Variants in NALF1 observed in about 807,000 individuals in gnomAD.
The protein encoded by NALF1 is NALCN channel auxiliary factor 1, also known as family with sequence similarity 155 member A.
NALF1 carries 3 observed loss-of-function variants against 48.4 expected under a neutral mutation model. The observed-to-expected ratio is 0.06, with a 90% CI of 0.03 to 0.16. The LOEUF (loss-of-function observed/expected upper bound fraction) is 0.16, where lower values mean the gene tolerates loss of function less well. Among genes scored for constraint, NALF1 ranks in the 10% least tolerant of loss-of-function variants. The pLI, the probability that NALF1 is intolerant of heterozygous loss-of-function variation, is 1.00. For missense variants in NALF1, 526 were observed against 571.5 expected (o/e 0.92, Z 0.81); for synonymous variants, 262 against 245.7 (o/e 1.07, Z -0.62).
At chr13:107,722,282 GA>G (rs1035403442) in intron 1 of NALF1, among the ~76,000 whole-genome samples, 69 of 152,236 alleles carry the variant, frequency 4.5e-4, no homozygotes, top group African/African-American at 1.6e-3. Context: ...GAAACTCTGA[GA>G]ACCTAGATCC....
At chr13:107,443,433 T>C (rs1282448612) in intron 1 of NALF1, among the ~76,000 whole-genome samples, 1 of 152,118 alleles carries the variant, frequency 6.6e-6, no homozygotes, top group Non-Finnish European at 1.5e-5. Context: ...GCCAGGCTGG[T>C]CTCGAACCCA....
chr13:107,283,629 T>C (rs1594103367), intron 1 of NALF1, among the ~76,000 whole-genome samples: 2 of 91,674 alleles, frequency 2.2e-5, no homozygotes, highest in African/African-American at 3.1e-5. Context: ...TATTTATTTA[T>C]TTATTTATTT....
chr13:107,498,581 T>C (rs991982067), intron 1 of NALF1, among the ~76,000 whole-genome samples: 1 of 151,820 alleles, frequency 6.6e-6, no homozygotes, highest in African/African-American at 2.4e-5. Flanking sequence ...GAGAAAATGG[T>C]GGAAAGAAGA....
At chr13:107,799,614 T>C (rs191508482) in intron 1 of NALF1, among the ~76,000 whole-genome samples, 38 of 152,360 alleles carry the variant, frequency 2.5e-4, no homozygotes, top group Admixed American at 6.5e-5. Context: ...GTTTTGCTTA[T>C]AATAAATCTT....
chr13:107,365,436 A>G (rs993817207), intron 1 of NALF1, among the ~76,000 whole-genome samples: 2 of 152,134 alleles, frequency 1.3e-5, no homozygotes, highest in Non-Finnish European at 2.9e-5. Flanking sequence ...ACAAATACAC[A>G]TCTCTCAGTT....
At chr13:107,782,885 G>A (rs1266223172) in intron 1 of NALF1, among the ~76,000 whole-genome samples, 24 of 151,110 alleles carry the variant, frequency 1.6e-4, no homozygotes, top group African/African-American at 4.4e-4. Flanking sequence ...AGTGAGGAGC[G>A]TCTCCGCCCG....
chr13:107,667,017 C>T (rs533163298), intron 1 of NALF1, among the ~76,000 whole-genome samples: 11 of 151,994 alleles, frequency 7.2e-5, no homozygotes, highest in African/African-American at 2.2e-4. Flanking sequence ...GCATTTTCCA[C>T]GAACTTTTTG....
At chr13:107,666,148 T>C (rs75138356) in intron 1 of NALF1, among the ~76,000 whole-genome samples, 4,064 of 152,208 alleles carry the variant, frequency 0.027, 78 homozygotes, top group Middle Eastern at 0.048. Context: ...GTGAAGTTTT[T>C]CTGGGCATTT....
chr13:107,546,157 C>T (rs1389939551), intron 1 of NALF1, among the ~76,000 whole-genome samples: 2 of 152,104 alleles, frequency 1.3e-5, no homozygotes, highest in Admixed American at 1.3e-4. Flanking sequence ...TGGCCTCTTG[C>T]ACCCTGGGGC....
chr13:107,734,029 G>A (rs1349185302), intron 1 of NALF1, among the ~76,000 whole-genome samples: 5 of 152,182 alleles, frequency 3.3e-5, no homozygotes, highest in South Asian at 4.2e-4. Context: ...GTTAGGCAAC[G>A]GCAAAACAGT....
At chr13:107,569,439 T>A (rs1264163338) in intron 1 of NALF1, among the ~76,000 whole-genome samples, 1 of 151,236 alleles carries the variant, frequency 6.6e-6, no homozygotes, top group Non-Finnish European at 1.5e-5. Flanking sequence ...GCCACCGCAC[T>A]CCAGCCTGGG....
At chr13:107,572,021 C>G (rs1021091048) in intron 1 of NALF1, among the ~76,000 whole-genome samples, 1 of 152,080 alleles carries the variant, frequency 6.6e-6, no homozygotes, top group Admixed American at 6.5e-5. Flanking sequence ...TACCTTAGCA[C>G]GTCAACTATC....
chr13:107,628,711 C>A (rs1290582240), intron 1 of NALF1, among the ~76,000 whole-genome samples: 1 of 152,188 alleles, frequency 6.6e-6, no homozygotes, highest in African/African-American at 2.4e-5. Flanking sequence ...TTAACTTTCA[C>A]ATAGAATGCC....
At chr13:107,635,994 G>A (rs1012250326) in intron 1 of NALF1, among the ~76,000 whole-genome samples, 12 of 152,158 alleles carry the variant, frequency 7.9e-5, no homozygotes, top group African/African-American at 2.2e-4. Context: ...ACAGAAGTGA[G>A]AAAAGTATTT....
chr13:107,755,588 G>C (rs1355306938), intron 1 of NALF1, among the ~76,000 whole-genome samples: 1 of 149,724 alleles, frequency 6.7e-6, no homozygotes, highest in Non-Finnish European at 1.5e-5. Flanking sequence ...CAGAAGGCAG[G>C]AACTGTTATA....
intron 1 of NALF1, among the ~76,000 whole-genome samples, chr13:107,369,347 A>G (rs1366131378): frequency 6.6e-6 from 1 of 152,226 alleles, no homozygotes; most frequent in East Asian, 1.9e-4. Flanking sequence ...TTAAATACAC[A>G]TAAATGAAAA....
chr13:107,765,712 A>C (rs150300332), intron 1 of NALF1, among the ~76,000 whole-genome samples: 1 of 152,278 alleles, frequency 6.6e-6, no homozygotes, highest in East Asian at 1.9e-4. Flanking sequence ...ACTTGCTTGC[A>C]TCATTTATGA....
chr13:107,277,560 T>C (rs937401578), intron 1 of NALF1, among the ~76,000 whole-genome samples: 1 of 152,206 alleles, frequency 6.6e-6, no homozygotes, highest in African/African-American at 2.4e-5. Flanking sequence ...TGTCAGTTTC[T>C]CATTGGCATT....
chr13:107,189,982 AT>A (rs34820616), intron 2 of NALF1, among the ~76,000 whole-genome samples: 10,471 of 152,130 alleles, frequency 0.069, 507 homozygotes, highest in East Asian at 0.25. Flanking sequence ...ATGTGAGGGG[AT>A]TTGTGTGTTC....
Sources: allele counts gnomAD v4.1 joint callset (sites outside exome capture counted in the v4.1 genomes callset), GRCh38; gene constraint gnomAD v4.1.1; transcripts MANE v1.5; gene names NCBI Gene and HGNC (gene_info 2026-07-23, HGNC 2026-07-21).